ADGRE3: variants seen among roughly 807,000 people sequenced by gnomAD.
The protein encoded by ADGRE3 is EGF-like module receptor 3.
Under a neutral mutation model 80.1 loss-of-function variants are expected in ADGRE3, and 88 were observed. The ratio of observed to expected loss-of-function variants is 1.10; its 90% confidence interval spans 0.93 to 1.31. ADGRE3 has a LOEUF of 1.31. ADGRE3 is among the 40% of genes most tolerant of loss of function. The pLI is 0.00. For missense variants in ADGRE3, 715 were observed against 776.5 expected, an observed-to-expected ratio of 0.92 and a Z score of 0.94; for synonymous variants, 281 against 294.8, an observed-to-expected ratio of 0.95 and a Z score of 0.48.
At chr19:14,638,526 G>A (rs1255919684) in intron 10 of ADGRE3, among the ~76,000 whole-genome samples, 186 bp from the exon 11 acceptor site, 1 of 151,978 alleles carries the variant, frequency 6.6e-6, no homozygotes, top group Non-Finnish European at 1.5e-5. Context: ...GAGGTGGGAG[G>A]ATTGCTTGAG....
At chr19:14,653,779 G>A (rs1462136367) in intron 6 of ADGRE3, among the ~76,000 whole-genome samples, 2 of 151,984 alleles carry the variant, frequency 1.3e-5, no homozygotes, top group Non-Finnish European at 2.9e-5. Flanking sequence ...GAAGCCCAAT[G>A]AGGTGAGGGC....
intron 1 of ADGRE3, among the ~76,000 whole-genome samples, chr19:14,669,782 GC>G (rs1329379679): frequency 6.6e-6 from 1 of 152,126 alleles, no homozygotes; most frequent in Non-Finnish European, 1.5e-5. Flanking sequence ...GAGCCACTCT[GC>G]CCAGCCCAAT....
At chr19:14,655,265 T>G in intron 5 of ADGRE3, 100 bp from the exon 6 acceptor site, 1 of 1,044,280 alleles carries the variant, frequency 9.6e-7, no homozygotes, top group Non-Finnish European at 1.4e-6. Flanking sequence ...GCTCTGGAGC[T>G]GGAGGAACCA....
chr19:14,648,919 A>T (rs542667509), intron 7 of ADGRE3, among the ~76,000 whole-genome samples: 1 of 150,406 alleles, frequency 6.6e-6, no homozygotes, highest in Admixed American at 6.6e-5. Context: ...GTCCCTCCTC[A>T]TCTCTTTCTT....
downstream of ADGRE3, among the ~76,000 whole-genome samples, chr19:14,616,785 T>C (rs2075077283): frequency 8.0e-6 from 1 of 124,702 alleles, no homozygotes; most frequent in Non-Finnish European, 1.6e-5. Context: ...ACAAGCTTTT[T>C]TCTAGAATTT....
downstream of ADGRE3, among the ~76,000 whole-genome samples, chr19:14,617,402 T>C (rs557809571): frequency 4.8e-5 from 6 of 123,768 alleles, no homozygotes; most frequent in South Asian, 2.6e-4. Flanking sequence ...TTCTTTCTTT[T>C]CTTTCTCTCT....
At chr19:14,638,656 C>T (rs968047112) in intron 10 of ADGRE3, among the ~76,000 whole-genome samples, 1 of 152,036 alleles carries the variant, frequency 6.6e-6, no homozygotes, top group Non-Finnish European at 1.5e-5. Context: ...TCCCTTCAAC[C>T]TGCCCTTGGG....
At chr19:14,642,632 C>T (rs572190157) in intron 9 of ADGRE3, among the ~76,000 whole-genome samples, 1 of 152,236 alleles carries the variant, frequency 6.6e-6, no homozygotes, top group African/African-American at 2.4e-5. Context: ...GTCCATATGT[C>T]TCCTCATGTA....
At chr19:14,657,397 G>C (rs532313454) in intron 5 of ADGRE3, among the ~76,000 whole-genome samples, 62 of 152,160 alleles carry the variant, frequency 4.1e-4, no homozygotes, top group African/African-American at 1.5e-3. Flanking sequence ...CAGCAGTGCA[G>C]CAGGCCTTAA....
the ADGRE3 span, among the ~76,000 whole-genome samples, chr19:14,613,225 C>T: frequency 6.7e-6 from 1 of 148,540 alleles, no homozygotes; most frequent in African/African-American, 2.5e-5. Flanking sequence ...CATGCCTGGC[C>T]TTATTTTATT....
intron 11 of ADGRE3, among the ~76,000 whole-genome samples, chr19:14,635,159 C>G (rs901050041): frequency 2.0e-5 from 3 of 152,134 alleles, no homozygotes; most frequent in Admixed American, 1.3e-4. Flanking sequence ...TGCAGTTGCT[C>G]TATCACAACT....
At chr19:14,611,518 C>T in the ADGRE3 span, among the ~76,000 whole-genome samples, 3 of 151,656 alleles carry the variant, frequency 2.0e-5, no homozygotes, top group Non-Finnish European at 4.4e-5. Flanking sequence ...GCTGGGACTA[C>T]AGGCGTTCAC....
chr19:14,647,364 A>T lies in ADGRE3; in HGVS notation c.699T>A (p.Gly233=). The change falls in exon 8 of 16, where the codon GGT becomes GGA. Residue 233 remains glycine, a splice_region_variant and synonymous_variant. Transcript: ENST00000253673. The part of the protein sequence containing the change: ...CSDIIQGDTQ[G]PSAIAFISYS... ...ATGAGATAAAGGCAATGGCACTGGG[A>T]CCTGAGGAAACAGAAAGATGGAATC... 4 of 1,559,762 alleles carry T rather than the reference A, an allele frequency of 2.6e-6. No homozygotes were observed. The highest frequency in any genetic ancestry group is 3.5e-6 in the Non-Finnish European group (4 of 1,149,862).
rs1235623638 is a variant in ADGRE3 at position 14,619,469 on chromosome 19, C to T, written c.1923G>A (p.Gly641=). The change falls in exon 16 of 16, where the codon GGG becomes GGA. Residue 641 remains glycine (G), a splice_region_variant and synonymous_variant. Transcript: ENST00000253673. ...TCTTCACTTGTCCTGGAAAAACATC[C>T]CCCTATAAAAGAGGTTTAGATTAAA... ...KMGPDSKPSE[G]DVFPGQVKRK... 8.8e-6 allele frequency: 14 copies of T among 1,594,098 alleles called. No homozygotes were observed. The highest frequency in any genetic ancestry group is 1.2e-5 in the Non-Finnish European group (14 of 1,162,760).
At position 14,632,957 on chromosome 19, in the gene ADGRE3, G is replaced by C. The variant is rs533852689; in HGVS notation, c.1607C>G (p.Ser536Cys). The change falls in exon 13 of 16, where the codon TCC (serine) becomes TGC (cysteine). Residue 536 changes from serine to cysteine, a missense_variant. Transcript: ENST00000253673. ...GATGGTTGACACTTCACTATTGAGG[G>C]AGGAAAGTTTTCTTTTCAAAATCCA... Reference protein sequence around the residue: ...VFWILKRKLSSLNSEVSTIQN... With the variant: ...VFWILKRKLSCLNSEVSTIQN... 2.9e-5 allele frequency: 46 copies of C among 1,613,708 alleles called. No homozygotes were observed. Among genetic ancestry groups the C allele is most frequent in the South Asian group, 2.6e-4 (24 of 91,064 alleles).
Position 14,630,219 on chromosome 19 carries a change from A to G in ADGRE3, c.1644-12T>C. ...TGAAAGCCAGCATCCTGGGAGGAGG[A>G]AGTCAGAGATTAGGATGTCAAAAAA... is the stretch of plus-strand genomic sequence containing the variant. On this transcript the variant is annotated splice_polypyrimidine_tract_variant and intron_variant, in intron 13 of 15. Transcript: ENST00000253673. The G allele has an allele frequency of 6.3e-7, 1 of 1,593,114 alleles. No individual in the cohort carries two copies. Among genetic ancestry groups the G allele is most frequent in the East Asian group, 2.2e-5 (1 of 44,686 alleles).
At chr19:14,664,769 G>C (rs750017216) in intron 2 of ADGRE3, among the ~76,000 whole-genome samples, 1 of 151,860 alleles carries the variant, frequency 6.6e-6, no homozygotes, top group Non-Finnish European at 1.5e-5. Flanking sequence ...GATTCTGATC[G>C]TGGTATATGT....
the ADGRE3 span, chr19:14,606,962 A>G: frequency 8.5e-7 from 1 of 1,171,448 alleles, no homozygotes; most frequent in Non-Finnish European, 1.1e-6. Context: ...ATGTAGAGGA[A>G]TGGCTGGCTG....
intron 11 of ADGRE3, among the ~76,000 whole-genome samples, chr19:14,635,224 G>C (rs2146823921): frequency 6.6e-6 from 1 of 152,046 alleles, no homozygotes; most frequent in South Asian, 2.1e-4. Context: ...AGCCTCCTGA[G>C]TAGCTGGGAC....
Sources: allele counts gnomAD v4.1 joint callset (sites outside exome capture counted in the v4.1 genomes callset), GRCh38; gene constraint gnomAD v4.1.1; transcripts MANE v1.5; gene names NCBI Gene and HGNC (gene_info 2026-07-23, HGNC 2026-07-21).